The following FRMD4A variants were observed in gnomAD, a reference collection of about 807,000 sequenced individuals.
The protein encoded by FRMD4A is FERM domain-containing protein 4A.
A neutral mutation model predicts 129.1 loss-of-function variants in FRMD4A; 29 were observed. The observed-to-expected ratio is 0.22, with a 90% CI of 0.17 to 0.31. FRMD4A has a LOEUF of 0.31. FRMD4A is among the 10% of genes least tolerant of loss of function. The pLI, the probability that FRMD4A is intolerant of heterozygous loss-of-function variation, is 1.00. For missense variants in FRMD4A, 1,272 were observed against 1,375.8 expected, an observed-to-expected ratio of 0.92 and a Z score of 1.19; for synonymous variants, 634 against 571.6, an observed-to-expected ratio of 1.11 and a Z score of -1.56.
At chr10:14,313,019 C>T (rs1417308285) in intron 2 of FRMD4A, among the ~76,000 whole-genome samples, 1 of 151,994 alleles carries the variant, frequency 6.6e-6, no homozygotes. Context: ...TAATGTATAA[C>T]CCTTTGTATT....
Position 13,646,780 on chromosome 10 carries a change from G to A in FRMD4A, c.*258C>T, listed in dbSNP as rs2081141730. 6.5e-6 allele frequency: 1 copy of A among 153,166 alleles called. No homozygotes were observed. The highest frequency in any genetic ancestry group is 2.1e-4 in the South Asian group (1 of 4,848). The allele number at this position is 153,166 out of a possible 1,614,324, so 9.5% of individuals were successfully genotyped here. A position where few individuals can be genotyped will look rare whatever the true frequency, so the allele number is the denominator to read the frequency against. ...ACCTTCCAGAATGTCTCCTCAGTCAGGTTTTCAAGGGGGAGGGAATGCGGA... is the reference window on the plus strand; with the variant it reads ...ACCTTCCAGAATGTCTCCTCAGTCAAGTTTTCAAGGGGGAGGGAATGCGGA... On this transcript the variant is annotated 3_prime_UTR_variant, in exon 25 of 25. Coordinates refer to ENST00000357447, the MANE Select transcript of FRMD4A (RefSeq NM_018027.5).
At chr10:13,706,554 C>T (rs2134900566) in intron 13 of FRMD4A, among the ~76,000 whole-genome samples, 1 of 152,274 alleles carries the variant, frequency 6.6e-6, no homozygotes, top group Admixed American at 6.5e-5. Context: ...AATAAAACAA[C>T]GTAGCACAAC....
At chr10:13,676,183 T>C (rs2083966599) in intron 15 of FRMD4A, among the ~76,000 whole-genome samples, 1 of 152,146 alleles carries the variant, frequency 6.6e-6, no homozygotes, top group African/African-American at 2.4e-5. Context: ...AGTGAAGCTA[T>C]TGTACTTTTT....
chr10:14,297,137 ATT>A lies in FRMD4A; in HGVS notation c.45+32919_45+32920del, dbSNP rs34998308. 2.0e-3 allele frequency among the ~76,000 whole-genome samples: 293 copies of A among 146,968 alleles called. 1 individual carries two copies. Among genetic ancestry groups the A allele is most frequent in the Admixed American group, 5.9e-3 (87 of 14,772 alleles). ...GTTCTTTTCAGATGTTCTCTTTCTC[ATT>A]TTTTTTTTTTTCTTAGAAAGTTCAA... On this transcript the variant is annotated intron_variant, in intron 2 of 24. Transcript: ENST00000357447.
At chr10:14,085,777 C>G (rs1290314726) in intron 2 of FRMD4A, among the ~76,000 whole-genome samples, 1 of 152,144 alleles carries the variant, frequency 6.6e-6, no homozygotes, top group Non-Finnish European at 1.5e-5. Flanking sequence ...TCTGCCTGGT[C>G]CCAAATGTAA....
intron 2 of FRMD4A, among the ~76,000 whole-genome samples, chr10:14,323,912 G>C (rs1843164045): frequency 6.6e-6 from 1 of 152,222 alleles, no homozygotes; most frequent in Non-Finnish European, 1.5e-5. Context: ...CCCTAGAGCT[G>C]CTGGGAGAAG....
chr10:13,948,844 G>A (rs771890554), intron 2 of FRMD4A, among the ~76,000 whole-genome samples: 3 of 151,636 alleles, frequency 2.0e-5, no homozygotes, highest in African/African-American at 4.9e-5. Flanking sequence ...TAGAGACAGG[G>A]TTTCACTATG....
chr10:13,706,999 C>G, intron 13 of FRMD4A, 38 bp downstream of exon 13: 1 of 1,069,600 alleles, frequency 9.3e-7, no homozygotes. Context: ...CGGCCGAGAG[C>G]CACGCCATCC....
chr10:13,770,085 G>A (rs1228825366), intron 6 of FRMD4A, among the ~76,000 whole-genome samples: 3 of 152,172 alleles, frequency 2.0e-5, no homozygotes, highest in Non-Finnish European at 4.4e-5. Flanking sequence ...TATCATTAAA[G>A]TGGGACACAA....
At chr10:13,784,078 C>T (rs939535925) in intron 5 of FRMD4A, among the ~76,000 whole-genome samples, 11 of 151,954 alleles carry the variant, frequency 7.2e-5, no homozygotes, top group Admixed American at 6.5e-4. Context: ...GTGTAGCAAC[C>T]CTTAGGGTGG....
Position 14,009,984 on chromosome 10 carries a change from G to A in FRMD4A, c.46-151072C>T, listed in dbSNP as rs188534687. Among the ~76,000 whole-genome samples the A allele has an allele frequency of 3.6e-3, 542 of 152,324 alleles. 2 individuals are homozygous for A. The highest frequency in any genetic ancestry group is 6.8e-3 in the Middle Eastern group (2 of 294). On this transcript the variant is annotated intron_variant, in intron 2 of 24. Coordinates refer to ENST00000357447, the MANE Select transcript of FRMD4A (RefSeq NM_018027.5). The stretch of plus-strand genomic sequence containing the variant: ...AACGATACCCGATGATTGAGCCAAA[G>A]CAAGAGAAACTCATTTCTTTGTAAA...
chr10:14,103,458 G>A (rs1457280789), intron 2 of FRMD4A, among the ~76,000 whole-genome samples: 1 of 152,170 alleles, frequency 6.6e-6, no homozygotes, highest in South Asian at 2.1e-4. Context: ...GTTGGTGGAG[G>A]AGCAAAATTA....
chr10:14,115,624 T>G (rs1838159057), intron 2 of FRMD4A, among the ~76,000 whole-genome samples: 1 of 152,210 alleles, frequency 6.6e-6, no homozygotes, highest in African/African-American at 2.4e-5. Flanking sequence ...GGTTTGGTGC[T>G]GTCCTTGGGG....
chr10:14,037,649 C>A (rs1833563743), intron 2 of FRMD4A, among the ~76,000 whole-genome samples: 1 of 77,028 alleles, frequency 1.3e-5, no homozygotes, highest in Admixed American at 1.8e-4. Flanking sequence ...GCTCAAAAGT[C>A]ATGTGTATTT....
At chr10:13,740,155 G>C (rs1275645441) in intron 11 of FRMD4A, 39 bp downstream of exon 11, 3 of 1,127,558 alleles carry the variant, frequency 2.7e-6, no homozygotes, top group Non-Finnish European at 4.0e-6. Flanking sequence ...TGTTTGCTTA[G>C]GGGAGGTTTG....
At chr10:14,309,111 A>C (rs1243446493) in intron 2 of FRMD4A, among the ~76,000 whole-genome samples, 1 of 152,218 alleles carries the variant, frequency 6.6e-6, no homozygotes, top group Non-Finnish European at 1.5e-5. Flanking sequence ...GGGGACAGAG[A>C]ATTTCTCAAC....
chr10:13,747,243 AG>A (rs2091339067), intron 9 of FRMD4A, among the ~76,000 whole-genome samples: 1 of 151,950 alleles, frequency 6.6e-6, no homozygotes, highest in South Asian at 2.1e-4. Context: ...AAGTAAATGT[AG>A]AAAACGGGCC....
At chr10:13,685,354 CAG>C (rs1045022824) in intron 15 of FRMD4A, 5 of 984,694 alleles carry the variant, frequency 5.1e-6, no homozygotes, top group Non-Finnish European at 4.8e-6. Context: ...TGTAATTTAA[CAG>C]AGAGAGAGGA....
intron 16 of FRMD4A, among the ~76,000 whole-genome samples, chr10:13,671,264 G>T (rs1440520873): frequency 2.0e-5 from 3 of 152,164 alleles, no homozygotes; most frequent in Non-Finnish European, 4.4e-5. Context: ...GACCAGCCTG[G>T]CCAACATGGT....
Sources: allele counts gnomAD v4.1 joint callset (sites outside exome capture counted in the v4.1 genomes callset), GRCh38; gene constraint gnomAD v4.1.1; transcripts MANE v1.5; gene names NCBI Gene and HGNC (gene_info 2026-07-23, HGNC 2026-07-21).